The following ANKDD1B variants were observed in gnomAD, a reference collection of about 807,000 sequenced individuals.
ANKDD1B encodes ankyrin repeat and death domain containing 1B.
Under a neutral mutation model 59.7 loss-of-function variants are expected in ANKDD1B, and 57 were observed. That is an observed-to-expected ratio of 0.95 (90% CI 0.77 to 1.19). The LOEUF (loss-of-function observed/expected upper bound fraction) is 1.19. Among genes scored for constraint, ANKDD1B ranks in the 50% most tolerant of loss-of-function variants. The probability of loss-of-function intolerance (pLI) is 0.00; values close to 1 mark genes in which losing one functional copy is unlikely to be tolerated. For synonymous variants in ANKDD1B, 216 were observed against 239.5 expected (o/e 0.90, Z 0.91); for missense variants, 602 against 641.9 (o/e 0.94, Z 0.67).
chr5:75,633,408 T>C (rs1006702422), intron 5 of ANKDD1B, among the ~76,000 whole-genome samples: 12 of 152,214 alleles, frequency 7.9e-5, no homozygotes, highest in Non-Finnish European at 1.6e-4. Context: ...CTTTTTGCCA[T>C]TTATTATTTC....
At chr5:75,617,426 T>G (rs1408390353) in intron 2 of ANKDD1B, among the ~76,000 whole-genome samples, 1 of 152,206 alleles carries the variant, frequency 6.6e-6, no homozygotes, top group Non-Finnish European at 1.5e-5. Context: ...AAAACCTGGC[T>G]CTTACTTGTT....
chr5:75,625,908 T>G lies in ANKDD1B; in HGVS notation c.553T>G (p.Tyr185Asp). 6.5e-7 allele frequency: 1 copy of G among 1,536,154 alleles called. No individual in the cohort carries two copies. Among genetic ancestry groups the G allele is most frequent in the Non-Finnish European group, 8.7e-7 (1 of 1,146,888 alleles). ...TQSNHVRIVE[Y>D]LIQDLHLKDL... ...GAGCAATCATGTGCGCATCGTGGAG[T>G]ATCTTATTCAAGATCTGCACCTCAA... The change falls in exon 5 of 14, where the codon TAT becomes GAT. Residue 185 changes from tyrosine (Y) to aspartate (D), a missense_variant. This residue lies in a region of ANKDD1B where 317 missense variants were observed against 304.6 expected (regional missense o/e 1.04). Transcript: ENST00000601380.
chr5:75,638,943 T>C (rs1774388462), intron 7 of ANKDD1B, among the ~76,000 whole-genome samples: 1 of 152,254 alleles, frequency 6.6e-6, no homozygotes, highest in Non-Finnish European at 1.5e-5. Flanking sequence ...TTATAGGTAG[T>C]GCTGTCACAG....
rs1773984744 is a variant in ANKDD1B, at chr5:75,625,926, C to T, written c.571C>T (p.His191Tyr). The change falls in exon 5 of 14, where the codon CAC becomes TAC. Residue 191 changes from histidine (H) to tyrosine (Y), a missense_variant. Around this residue, in one of 3 missense-constraint regions of ANKDD1B, gnomAD observed 317 missense variants for 304.6 expected, o/e 1.04. Coordinates refer to ENST00000601380, the MANE Select transcript of ANKDD1B (RefSeq NM_001276713.2). ...RIVEYLIQDL[H>Y]LKDLNQPDEK... ...CGTGGAGTATCTTATTCAAGATCTG[C>T]ACCTCAAGGACCTGAACCAGCCTGA... 1.3e-6 allele frequency: 2 copies of T among 1,536,096 alleles called. No individual in the cohort carries two copies. The highest frequency in any genetic ancestry group is 8.7e-7 in the Non-Finnish European group (1 of 1,146,840).
At chr5:75,616,931 C>A (rs1193501417) in intron 2 of ANKDD1B, 24 bp downstream of exon 2, 2 of 1,097,288 alleles carry the variant, frequency 1.8e-6, no homozygotes, top group African/African-American at 1.6e-5. Flanking sequence ...ATAAATATGA[C>A]AAGTGACTTC....
chr5:75,642,439 C>G (rs563388459), intron 7 of ANKDD1B, among the ~76,000 whole-genome samples: 30 of 142,642 alleles, frequency 2.1e-4, no homozygotes. Context: ...ACCTGGGAAG[C>G]GCAAGGGGTC....
rs1775210502 is a variant in ANKDD1B at position 75,663,384 on chromosome 5, T to A, written c.1096-10T>A. The A allele has an allele frequency of 1.3e-6, 2 of 1,535,388 alleles. No individual in the cohort carries two copies. Among genetic ancestry groups the A allele is most frequent in the East Asian group, 4.9e-5 (2 of 40,900 alleles). Reference sequence around the variant, plus strand: ...ATATCACCTGAATTTTTTTTCTTTTTTAATTTTAGCAAGGAAAGACTGCCC... The same window carrying A: ...ATATCACCTGAATTTTTTTTCTTTTATAATTTTAGCAAGGAAAGACTGCCC... On this transcript the variant is annotated splice_polypyrimidine_tract_variant and intron_variant, in intron 10 of 13. Transcript: ENST00000601380.
intron 7 of ANKDD1B, among the ~76,000 whole-genome samples, chr5:75,651,612 C>G (rs866737903): frequency 3.0e-4 from 45 of 152,156 alleles, no homozygotes; most frequent in African/African-American, 1.0e-3. Flanking sequence ...GGAAACAGTC[C>G]TTTCTTGGGG....
Position 75,616,866 on chromosome 5 carries a change from A to C in ANKDD1B, c.256A>C (p.Lys86Gln), listed in dbSNP as rs1773730539. ...AKSNNLDLME[K>Q]LFEKKVNINV... is the part of the protein sequence containing the mutation. The stretch of plus-strand genomic sequence containing the variant: ...AAGCAATAATTTGGATCTTATGGAG[A>C]AGCTGTTTGAAAAGAAGGTTAACAT... The change falls in exon 2 of 14, where the codon AAG (lysine) becomes CAG (glutamine). Residue 86 changes from lysine to glutamine, a missense_variant. Physicochemically the swap from Lys to Gln is moderately conservative, Grantham distance 53. Transcript: ENST00000601380. 6.5e-7 allele frequency: 1 copy of C among 1,532,072 alleles called. No individual in the cohort carries two copies. The highest frequency in any genetic ancestry group is 2.0e-5 in the Admixed American group (1 of 50,912). The allele number at this position is 1,532,072 out of a possible 1,614,324, so 94.9% of individuals were successfully genotyped here.
chr5:75,662,662 C>T (rs900338121), intron 10 of ANKDD1B, among the ~76,000 whole-genome samples: 1 of 151,960 alleles, frequency 6.6e-6, no homozygotes, highest in African/African-American at 2.4e-5. Context: ...AGCTCTATGC[C>T]CTGGCTTTGA....
chr5:75,635,573 T>C (rs943475210), intron 6 of ANKDD1B: 22 of 384,440 alleles, frequency 5.7e-5, no homozygotes, highest in Non-Finnish European at 1.0e-4. Flanking sequence ...ATGGATGATT[T>C]TTTTCCTACT....
chr5:75,665,816 G>A lies in ANKDD1B; in HGVS notation c.1192-976G>A, dbSNP rs576038788. Reference sequence around the variant, plus strand: ...CTTCTCATCAGTTTTTAAACCCAGGGTCCTAGACAGTTTTGGTTCATTTCC... The same window carrying A: ...CTTCTCATCAGTTTTTAAACCCAGGATCCTAGACAGTTTTGGTTCATTTCC... On this transcript the variant is annotated intron_variant, in intron 11 of 13. Coordinates refer to ENST00000601380, the MANE Select transcript of ANKDD1B (RefSeq NM_001276713.2). Among the ~76,000 whole-genome samples the A allele has an allele frequency of 1.1e-3, 160 of 152,218 alleles. 1 individual carries two copies. The highest frequency in any genetic ancestry group is 3.8e-3 in the African/African-American group (156 of 41,510).
chr5:75,621,305 A>C (rs1005846835), intron 3 of ANKDD1B, among the ~76,000 whole-genome samples: 9 of 152,306 alleles, frequency 5.9e-5, no homozygotes, highest in African/African-American at 2.2e-4. Flanking sequence ...CCCAGGGCAC[A>C]GTTCCATGAT....
At chr5:75,660,626 T>C (rs1464055553) in intron 10 of ANKDD1B, among the ~76,000 whole-genome samples, 2 of 152,214 alleles carry the variant, frequency 1.3e-5, no homozygotes, top group African/African-American at 2.4e-5. Flanking sequence ...CAGAGAGCTG[T>C]GTTAGGTTCC....
rs1773570139 is a variant in ANKDD1B at position 75,611,934 on chromosome 5, A to C, written c.193+107A>C. The C allele has an allele frequency of 2.6e-5, 25 of 970,294 alleles. No homozygotes were observed. In the East Asian group the frequency reaches 8.2e-4, roughly 32 times the overall value. 60.1% of individuals were successfully genotyped at this position (970,294 alleles called of 1,614,324 possible). On this transcript the variant is annotated intron_variant, in intron 1 of 13. Coordinates refer to ENST00000601380, the MANE Select transcript of ANKDD1B (RefSeq NM_001276713.2). ...CACCTCCGGACGCTGCAGGAGGGAA[A>C]CTGGCGAGGCGACTCAGCCCTGGGA... is the stretch of plus-strand genomic sequence containing the variant.
intron 3 of ANKDD1B, among the ~76,000 whole-genome samples, chr5:75,625,345 GAC>G (rs1473248273): frequency 1.3e-5 from 2 of 152,092 alleles, no homozygotes; most frequent in Admixed American, 6.5e-5. Context: ...TGGATTAAGA[GAC>G]TATACATTAT....
intron 7 of ANKDD1B, among the ~76,000 whole-genome samples, chr5:75,639,465 G>A (rs577660498): frequency 1.3e-5 from 2 of 152,262 alleles, no homozygotes; most frequent in South Asian, 4.1e-4. Flanking sequence ...CCAAAGTGCT[G>A]GGATTACAGG....
Position 75,611,807 on chromosome 5 carries a change from C to T in ANKDD1B, c.173C>T (p.Ala58Val). ...KREGLGEEDTAVAGHELLLPN... is the reference protein window; with the variant it reads ...KREGLGEEDTVVAGHELLLPN... ...GAGGGTCTTGGAGAGGAGGACACAG[C>T]AGTTGCCGGACACGAGCTCCGTGAG... The change falls in exon 1 of 14, where the codon GCA (alanine) becomes GTA (valine). Residue 58 changes from alanine (A) to valine (V), a missense_variant. Physicochemically the swap from Ala to Val is moderately conservative, Grantham distance 64 (BLOSUM62 0). This residue lies in a region of ANKDD1B where 317 missense variants were observed against 304.6 expected (regional missense o/e 1.04). Transcript: ENST00000601380. 7 of 1,231,970 alleles carry T rather than the reference C, an allele frequency of 5.7e-6. No individual in the cohort carries two copies. Among genetic ancestry groups the T allele is most frequent in the Non-Finnish European group, 7.1e-6 (7 of 988,152 alleles). 76.3% of individuals were successfully genotyped at this position (1,231,970 alleles called of 1,614,324 possible).
At chr5:75,666,097 G>A (rs151023459) in intron 11 of ANKDD1B, among the ~76,000 whole-genome samples, 301 of 152,228 alleles carry the variant, frequency 2.0e-3, no homozygotes, top group African/African-American at 6.7e-3. Flanking sequence ...GATTTTCTCC[G>A]GTGTTTGTGG....
Sources: gnomAD v4.1 joint callset for allele counts (sites outside exome capture counted in the v4.1 genomes callset) on GRCh38, gnomAD v4.1.1 for gene constraint, gnomAD v4.1.1 regional missense constraint, MANE v1.5 for transcripts, NCBI Gene and HGNC (gene_info 2026-07-23, HGNC 2026-07-21) for gene names.